The following KLHL25 variants were observed in gnomAD, a reference collection of about 807,000 sequenced individuals.
KLHL25 encodes kelch like family member 25.
A neutral mutation model predicts 30.0 loss-of-function variants in KLHL25; 41 were observed. That is an observed-to-expected ratio of 1.37 (90% CI 1.07 to 1.78). KLHL25 has a LOEUF of 1.78. KLHL25 is among the 40% of genes most tolerant of loss of function. The probability of loss-of-function intolerance (pLI) is 0.00; values close to 1 mark genes in which losing one functional copy is unlikely to be tolerated. For missense variants in KLHL25, 971 were observed against 824.5 expected (o/e 1.18, Z -2.18); for synonymous variants, 399 against 355.3 (o/e 1.12, Z -1.38).
At chr15:85,784,655 T>G (rs560342178) in intron 1 of KLHL25, among the ~76,000 whole-genome samples, 2 of 152,110 alleles carry the variant, frequency 1.3e-5, no homozygotes, top group African/African-American at 4.8e-5. Context: ...ATGGAGGGCA[T>G]TGAGACTAGA....
At chr15:85,788,792 T>A (rs911333803) in intron 1 of KLHL25, among the ~76,000 whole-genome samples, 9 of 152,154 alleles carry the variant, frequency 5.9e-5, no homozygotes, top group Non-Finnish European at 1.2e-4. Context: ...GGTACCTTTC[T>A]CCCTCAGATT....
chr15:85,766,273 G>A (rs530838721), intron 2 of KLHL25, among the ~76,000 whole-genome samples: 66 of 152,308 alleles, frequency 4.3e-4, no homozygotes, highest in Non-Finnish European at 9.3e-4. Flanking sequence ...CCACAGTCTC[G>A]TCCTGTGCTG....
At chr15:85,773,486 G>A (rs55957626) in intron 1 of KLHL25, among the ~76,000 whole-genome samples, 25,970 of 152,212 alleles carry the variant, frequency 0.17, 2,567 homozygotes, top group Non-Finnish European at 0.23. Flanking sequence ...CTGTTCTCTG[G>A]GAACCACCTG....
chr15:85,779,419 C>T (rs1048353478), intron 1 of KLHL25, among the ~76,000 whole-genome samples: 1 of 152,168 alleles, frequency 6.6e-6, no homozygotes, highest in South Asian at 2.1e-4. Flanking sequence ...AAAAACTCTT[C>T]TTCATCGTAT....
In KLHL25 at chr15:85,771,619, C is replaced by G. The variant is rs555070665; in HGVS notation, c.-10-1799G>C. 1.6e-4 allele frequency among the ~76,000 whole-genome samples: 24 copies of G among 152,332 alleles called. 1 individual carries two copies. The highest frequency in any genetic ancestry group is 2.1e-4 in the South Asian group (1 of 4,824). On this transcript the variant is annotated intron_variant, in intron 1 of 2. Coordinates refer to ENST00000337975, the MANE Select transcript of KLHL25 (RefSeq NM_022480.4). ...GGCCAGACTGGCCTTGCTGCTTGGA[C>G]CCCCAAGCTCCAGGTAGACTGTACA...
At position 85,769,029 on chromosome 15, in the gene KLHL25, C is replaced by A; in HGVS notation, c.782G>T (p.Arg261Leu). 6.2e-7 allele frequency: 1 copy of A among 1,609,022 alleles called. No individual in the cohort carries two copies. The change falls in exon 2 of 3, where the codon CGC becomes CTC. Residue 261 changes from arginine (R) to leucine (L), a missense_variant. Physicochemically the swap from Arg to Leu is moderately radical, Grantham distance 102 (BLOSUM62 -2). Coordinates refer to ENST00000337975, the MANE Select transcript of KLHL25 (RefSeq NM_022480.4). The part of the protein sequence containing the change: ...SSEALLMADE[R>L]TKLIMDEALR... ...GGCCTCATCCATGATAAGCTTGGTG[C>A]GCTCGTCTGCCATGAGGAGGGCCTC...
At chr15:85,778,622 G>C (rs1326025310) in intron 1 of KLHL25, among the ~76,000 whole-genome samples, 1 of 152,226 alleles carries the variant, frequency 6.6e-6, no homozygotes, top group Non-Finnish European at 1.5e-5. Flanking sequence ...TGCTGAGTCT[G>C]TTCCCACAAC....
At position 85,768,915 on chromosome 15, in the gene KLHL25, A is replaced by G. The variant is rs369202474; in HGVS notation, c.896T>C (p.Ile299Thr). 6.2e-7 allele frequency: 1 copy of G among 1,613,184 alleles called. No homozygotes were observed. Among genetic ancestry groups the G allele is most frequent in the Non-Finnish European group, 8.5e-7 (1 of 1,180,048 alleles). Reference protein sequence around the residue: ...RPRKAGHTLLILGGQTFMCDK... With the variant: ...RPRKAGHTLLTLGGQTFMCDK... ...ACACATGAAGGTCTGGCCCCCCAGG[A>G]TGAGTAGCGTGTGGCCCGCCTTGCG... The change falls in exon 2 of 3, where the codon ATC becomes ACC. Residue 299 changes from isoleucine (I) to threonine (T), a missense_variant. Physicochemically the swap from Ile to Thr is moderately conservative, Grantham distance 89. Coordinates refer to ENST00000337975, the MANE Select transcript of KLHL25 (RefSeq NM_022480.4).
intron 1 of KLHL25, among the ~76,000 whole-genome samples, chr15:85,779,374 T>G (rs1200118244): frequency 2.6e-5 from 4 of 152,164 alleles, no homozygotes; most frequent in African/African-American, 9.7e-5. Flanking sequence ...GAGGAGGCAG[T>G]GGATGGGGAC....
chr15:85,781,569 C>T (rs2455559), intron 1 of KLHL25, among the ~76,000 whole-genome samples: 25,388 of 152,018 alleles, frequency 0.17, 2,568 homozygotes, highest in East Asian at 0.36. Flanking sequence ...CTGCAACCTC[C>T]ACCTCCTGGG....
intron 1 of KLHL25, among the ~76,000 whole-genome samples, chr15:85,778,246 G>A (rs565027951): frequency 9.2e-4 from 140 of 152,238 alleles, no homozygotes; most frequent in African/African-American, 3.2e-3. Context: ...GCTTGGCCTG[G>A]AAAGACACAC....
intron 2 of KLHL25, chr15:85,761,766 A>C (rs2089584842): frequency 6.6e-6 from 1 of 152,208 alleles, no homozygotes; most frequent in Non-Finnish European, 1.5e-5. Context: ...AGCAACCCTG[A>C]GTGTTCATGC....
intron 1 of KLHL25, among the ~76,000 whole-genome samples, chr15:85,774,204 C>T (rs949602866): frequency 8.5e-5 from 13 of 152,238 alleles, no homozygotes; most frequent in African/African-American, 2.6e-4. Flanking sequence ...CAGACACTCT[C>T]GCTCTGCACA....
At chr15:85,783,663 G>T (rs951632552) in intron 1 of KLHL25, among the ~76,000 whole-genome samples, 1 of 147,542 alleles carries the variant, frequency 6.8e-6, no homozygotes, top group African/African-American at 2.5e-5. Flanking sequence ...CTGCACTCCA[G>T]CCTGGGTGAC....
Position 85,769,323 on chromosome 15 carries a change from C to G in KLHL25, c.488G>C (p.Arg163Pro), listed in dbSNP as rs757053391. Residue 163 changes from arginine (R) to proline (P), a missense_variant, in exon 2 of 3, where the codon CGG becomes CCG. Coordinates refer to ENST00000337975, the MANE Select transcript of KLHL25 (RefSeq NM_022480.4). Reference sequence around the variant, plus strand: ...CATGCGCCAGGAGAACTCATACAGCCGGCGGCACTGGTGGGCGTCCGAGAG... The same window carrying G: ...CATGCGCCAGGAGAACTCATACAGCGGGCGGCACTGGTGGGCGTCCGAGAG... ...MLLSDAHQCR[R>P]LYEFSWRMCL... 2 of 1,613,994 alleles carry G rather than the reference C, an allele frequency of 1.2e-6. No homozygotes were observed. Among genetic ancestry groups the G allele is most frequent in the East Asian group, 2.2e-5 (1 of 44,890 alleles).
chr15:85,793,293 T>G (rs112865423), intron 1 of KLHL25, among the ~76,000 whole-genome samples: 6 of 152,316 alleles, frequency 3.9e-5, no homozygotes, highest in Non-Finnish European at 5.9e-5. Context: ...GACCCCAGGA[T>G]GAAGGTGTCT....
intron 1 of KLHL25, among the ~76,000 whole-genome samples, chr15:85,781,682 C>A (rs2089744214): frequency 6.6e-6 from 1 of 152,070 alleles, no homozygotes; most frequent in South Asian, 2.1e-4. Context: ...CGGGGTTTCA[C>A]CATGTTGGCC....
At chr15:85,767,210 C>T (rs533157400) in intron 2 of KLHL25, among the ~76,000 whole-genome samples, 8 of 152,180 alleles carry the variant, frequency 5.3e-5, no homozygotes, top group South Asian at 2.1e-4. Flanking sequence ...AGGATGGTCT[C>T]GATCTCCTGA....
intron 1 of KLHL25, among the ~76,000 whole-genome samples, chr15:85,770,748 G>C (rs988615618): frequency 5.3e-5 from 8 of 152,178 alleles, no homozygotes; most frequent in Admixed American, 5.2e-4. Flanking sequence ...CTGACGCCAG[G>C]ATCCTGGGCC....
Sources: allele counts gnomAD v4.1 joint callset (sites outside exome capture counted in the v4.1 genomes callset), GRCh38; gene constraint gnomAD v4.1.1; transcripts MANE v1.5; gene names NCBI Gene and HGNC (gene_info 2026-07-23, HGNC 2026-07-21).